RORA: variants seen among roughly 807,000 people sequenced by gnomAD.
RORA encodes nuclear receptor ROR-alpha.
A neutral mutation model predicts 69.5 loss-of-function variants in RORA; 7 were observed. That is an observed-to-expected ratio of 0.10 (90% CI 0.06 to 0.19). The LOEUF is 0.19. Among genes scored for constraint, RORA ranks in the 10% least tolerant of loss-of-function variants. The pLI is 1.00. For missense variants in RORA, 457 were observed against 663.0 expected (o/e 0.69, Z 3.41); for synonymous variants, 261 against 240.8 (o/e 1.08, Z -0.78).
chr15:61,051,198 G>A (rs981215649), intron 1 of RORA, among the ~76,000 whole-genome samples: 1 of 152,206 alleles, frequency 6.6e-6, no homozygotes, highest in South Asian at 2.1e-4. Flanking sequence ...GAGGCACTCA[G>A]GGTAGACAGA....
intron 1 of RORA, among the ~76,000 whole-genome samples, chr15:60,862,785 G>A (rs542480242): frequency 7.9e-5 from 12 of 152,290 alleles, no homozygotes; most frequent in African/African-American, 1.4e-4. Context: ...TTCTGAGGTC[G>A]GAGCCTTAAT....
chr15:61,176,042 C>T (rs1251639281), intron 1 of RORA: 2 of 152,186 alleles, frequency 1.3e-5, no homozygotes, highest in African/African-American at 4.8e-5. Flanking sequence ...ATCTCTATAT[C>T]TACAAACACA....
chr15:60,504,402 C>T (rs2065429819), intron 6 of RORA, among the ~76,000 whole-genome samples: 1 of 152,000 alleles, frequency 6.6e-6, no homozygotes, highest in Non-Finnish European at 1.5e-5. Context: ...CAAAAATTAG[C>T]CAGGCGTGGT....
intron 1 of RORA, among the ~76,000 whole-genome samples, chr15:60,802,766 A>G (rs149013338): frequency 6.6e-6 from 1 of 152,330 alleles, no homozygotes; most frequent in East Asian, 1.9e-4. Context: ...CCCAGATTCA[A>G]TAAGGCAAGA....
intron 1 of RORA, among the ~76,000 whole-genome samples, chr15:60,836,321 C>G (rs574712498): frequency 2.0e-4 from 31 of 152,228 alleles, no homozygotes; most frequent in African/African-American, 7.5e-4. Flanking sequence ...TTCCGTCTTG[C>G]TCTGGATTTT....
At chr15:60,646,005 C>T (rs2070039445) in intron 2 of RORA, among the ~76,000 whole-genome samples, 4 of 152,238 alleles carry the variant, frequency 2.6e-5, no homozygotes, top group African/African-American at 9.6e-5. Flanking sequence ...CGGGGCCTCG[C>T]CCGTATGCTC....
At chr15:60,745,214 A>C (rs1424113390) in intron 1 of RORA, among the ~76,000 whole-genome samples, 1 of 152,142 alleles carries the variant, frequency 6.6e-6, no homozygotes, top group Non-Finnish European at 1.5e-5. Context: ...ATTTGCTTCC[A>C]GGGGAGTTTT....
chr15:60,644,067 CA>C, intron 2 of RORA, among the ~76,000 whole-genome samples: 1 of 152,174 alleles, frequency 6.6e-6, no homozygotes, highest in South Asian at 2.1e-4. Context: ...ATTGATTTTG[CA>C]ATACTATTTC....
chr15:60,824,263 T>C (rs2072929755), intron 1 of RORA, among the ~76,000 whole-genome samples: 1 of 152,208 alleles, frequency 6.6e-6, no homozygotes, highest in Non-Finnish European at 1.5e-5. Context: ...TGGAAGTTAA[T>C]GTAGTCAACA....
chr15:60,623,501 T>C (rs891756964), intron 2 of RORA, among the ~76,000 whole-genome samples: 3 of 152,200 alleles, frequency 2.0e-5, no homozygotes, highest in Admixed American at 6.5e-5. Context: ...GGACATCTCA[T>C]TGATTCCCCC....
At chr15:60,876,205 G>C (rs1445211433) in intron 1 of RORA, among the ~76,000 whole-genome samples, 1 of 150,754 alleles carries the variant, frequency 6.6e-6, no homozygotes, top group Admixed American at 6.7e-5. Flanking sequence ...GTGACAGCTA[G>C]AGTACAGAGA....
intron 1 of RORA, among the ~76,000 whole-genome samples, chr15:61,165,050 G>A (rs915407461): frequency 6.6e-6 from 1 of 152,140 alleles, no homozygotes; most frequent in African/African-American, 2.4e-5. Flanking sequence ...TGAGAAGAAG[G>A]CATCCTGCTT....
chr15:60,578,681 C>T (rs1243368045), intron 2 of RORA, among the ~76,000 whole-genome samples: 1 of 151,086 alleles, frequency 6.6e-6, no homozygotes, highest in African/African-American at 2.4e-5. Flanking sequence ...TCATAAAGAA[C>T]ATTAAAAAGG....
intron 2 of RORA, among the ~76,000 whole-genome samples, chr15:60,647,665 G>T (rs2070072147): frequency 6.6e-6 from 1 of 152,102 alleles, no homozygotes; most frequent in Non-Finnish European, 1.5e-5. Flanking sequence ...TCTGCACTAG[G>T]ACTAAAGAAC....
At chr15:60,663,579 C>T (rs887103429) in intron 2 of RORA, among the ~76,000 whole-genome samples, 1 of 152,206 alleles carries the variant, frequency 6.6e-6, no homozygotes, top group Non-Finnish European at 1.5e-5. Context: ...CCTCAGCCCC[C>T]CAAGTAGTTG....
intron 1 of RORA, among the ~76,000 whole-genome samples, chr15:61,092,692 C>T (rs530341037): frequency 6.6e-6 from 1 of 152,316 alleles, no homozygotes; most frequent in African/African-American, 2.4e-5. Flanking sequence ...GATGGGCTTA[C>T]ATATTGCAAA....
At position 60,791,603 on chromosome 15, in the gene RORA, G is replaced by A. The variant is rs1421533493; in HGVS notation, c.167-112917C>T. Among the ~76,000 whole-genome samples, 3 of 152,212 alleles carry A rather than the reference G, an allele frequency of 2.0e-5. No homozygotes were observed. In the South Asian group the frequency reaches 6.2e-4, roughly 32 times the overall value. ...ACATAAGGGGAGAAATTCTGGAAAG[G>A]TGGGAACTGCAGAGGCAGCAAGCTG... On this transcript the variant is annotated intron_variant, in intron 1 of 10. Transcript: ENST00000335670.
intron 2 of RORA, among the ~76,000 whole-genome samples, chr15:60,539,156 G>A (rs554828120): frequency 6.6e-5 from 10 of 152,158 alleles, no homozygotes; most frequent in Admixed American, 3.9e-4. Context: ...AAAATACTGC[G>A]CCAGAATGTC....
chr15:60,798,687 G>C (rs191700659), intron 1 of RORA, among the ~76,000 whole-genome samples: 15 of 152,178 alleles, frequency 9.9e-5, no homozygotes, highest in African/African-American at 3.1e-4. Context: ...CAGCATGGTA[G>C]CGGGGAGGGG....
Sources: allele counts gnomAD v4.1 joint callset (sites outside exome capture counted in the v4.1 genomes callset), GRCh38; gene constraint gnomAD v4.1.1; transcripts MANE v1.5; gene names NCBI Gene and HGNC (gene_info 2026-07-23, HGNC 2026-07-21).